Variants in ANKH observed in about 807,000 individuals in gnomAD.
ANKH encodes the protein ANKH inorganic pyrophosphate transport regulator.
Under a neutral mutation model 49.0 loss-of-function variants are expected in ANKH, and 15 were observed. The ratio of observed to expected loss-of-function variants is 0.31; its 90% CI spans 0.20 to 0.47. ANKH has a LOEUF of 0.47. Ranked by LOEUF, ANKH falls within the 20% of genes least tolerant of loss-of-function variation. ANKH has a pLI of 1.00. For missense variants in ANKH, 429 were observed against 652.0 expected (o/e 0.66, Z 3.72); for synonymous variants, 273 against 260.0 (o/e 1.05, Z -0.48).
rs117896022 is a variant in ANKH, at chr5:14,719,766, A to C, written c.1012-2931T>G. 1.4e-3 allele frequency among the ~76,000 whole-genome samples: 209 copies of C among 152,312 alleles called. 4 individuals carry two copies. The East Asian group carries it at 0.038, about 28-fold the overall frequency. The stretch of plus-strand genomic sequence containing the variant: ...TCGGAGTAGGAAAGGGACAGGGTGG[A>C]AGTGAGCAGCACTGAAGAGGTGGGC... On this transcript the variant is annotated intron_variant, in intron 8 of 11. Coordinates refer to ENST00000284268, the MANE Select transcript of ANKH (RefSeq NM_054027.6).
intron 1 of ANKH, among the ~76,000 whole-genome samples, chr5:14,857,877 G>C (rs970906325): frequency 3.3e-5 from 5 of 152,170 alleles, no homozygotes; most frequent in Admixed American, 3.3e-4. Context: ...TCTAAGGAAA[G>C]CTGGAACAAC....
At position 14,745,547 on chromosome 5, in the gene ANKH, C is replaced by T. The variant is rs192686642; in HGVS notation, c.915+323G>A. 2.3e-3 allele frequency among the ~76,000 whole-genome samples: 343 copies of T among 152,318 alleles called. 1 individual carries two copies. Among genetic ancestry groups the T allele is most frequent in the Middle Eastern group, 0.02 (6 of 294 alleles). On this transcript the variant is annotated intron_variant, in intron 7 of 11. Coordinates refer to ENST00000284268, the MANE Select transcript of ANKH (RefSeq NM_054027.6). This position sits in a 1 kb window ranked among gnomAD's most constrained non-coding sequence, Gnocchi z 4.7. ...AGCATTCGTTTAAAGAAACAAACCACAGAAATAAAATCCCATAAATTGATT... is the reference window on the plus strand; with the variant it reads ...AGCATTCGTTTAAAGAAACAAACCATAGAAATAAAATCCCATAAATTGATT...
chr5:14,777,144 G>A (rs1022168759), intron 1 of ANKH, among the ~76,000 whole-genome samples: 9 of 61,814 alleles, frequency 1.5e-4, no homozygotes, highest in African/African-American at 5.1e-4. Flanking sequence ...AGTTAGCCGG[G>A]CGTGGTGGGG....
intron 1 of ANKH, among the ~76,000 whole-genome samples, chr5:14,786,690 G>A (rs1414790187): frequency 2.0e-5 from 3 of 152,156 alleles, no homozygotes; most frequent in Non-Finnish European, 4.4e-5. Context: ...TAGCAAAGAC[G>A]AATAATGGGA....
chr5:14,744,866 C>T (rs1738479959), intron 7 of ANKH, among the ~76,000 whole-genome samples: 1 of 152,226 alleles, frequency 6.6e-6, no homozygotes, highest in South Asian at 2.1e-4. Flanking sequence ...CAGCCTGTGG[C>T]CTAGCCTTGT....
At chr5:14,812,360 G>C (rs943165691) in intron 1 of ANKH, among the ~76,000 whole-genome samples, 2 of 152,086 alleles carry the variant, frequency 1.3e-5, no homozygotes, top group Non-Finnish European at 1.5e-5. Context: ...CGCACTGGCT[G>C]CCTCCTTCAC....
At chr5:14,717,142 G>A (rs1737498672) in intron 8 of ANKH, 2 of 388,898 alleles carry the variant, frequency 5.1e-6, no homozygotes, top group East Asian at 5.9e-5. Flanking sequence ...TGTGCTTTGG[G>A]GCAAGGGTTA....
rs35821509 is a variant in ANKH, at chr5:14,721,929, C to CAAAA, written c.1012-5098_1012-5095dup. Among the ~76,000 whole-genome samples, 39 of 59,392 alleles carry CAAAA rather than the reference C, an allele frequency of 6.6e-4. 2 individuals are homozygous for CAAAA. The highest frequency in any genetic ancestry group is 1.6e-3 in the African/African-American group (17 of 10,548). The allele number at this position is 59,392 out of a possible 152,430, so 39.0% of individuals were successfully genotyped here. On this transcript the variant is annotated intron_variant, in intron 8 of 11. Transcript: ENST00000284268. Reference sequence around the variant, plus strand: ...TGGGCGACAGAGCGAGACTCCGTCTCAAAAAAAAAAAAAAAAAAAAAAAAA... The same window carrying CAAAA: ...TGGGCGACAGAGCGAGACTCCGTCTCAAAAAAAAAAAAAAAAAAAAAAAAAAAAA...
intron 1 of ANKH, among the ~76,000 whole-genome samples, chr5:14,824,049 G>A (rs1741271128): frequency 6.6e-6 from 1 of 152,106 alleles, no homozygotes; most frequent in Non-Finnish European, 1.5e-5. Context: ...CCAAGAGTCT[G>A]CAGAGCCCTC....
At chr5:14,809,628 C>T (rs1186727977) in intron 1 of ANKH, among the ~76,000 whole-genome samples, 1 of 152,190 alleles carries the variant, frequency 6.6e-6, no homozygotes, top group Non-Finnish European at 1.5e-5. Context: ...TTCTTCTTGA[C>T]ATAAACTGTT....
intron 1 of ANKH, among the ~76,000 whole-genome samples, chr5:14,785,744 A>G (rs1034330265): frequency 6.6e-6 from 1 of 152,212 alleles, no homozygotes; most frequent in African/African-American, 2.4e-5. Flanking sequence ...TCCTTAGTAT[A>G]TGTTTATTAT....
In ANKH at chr5:14,711,265, CAG is replaced by C. The variant is rs1415659025; in HGVS notation, c.1409_1410del (p.Ser470CysfsTer22). On this transcript the variant is annotated frameshift_variant, in exon 12 of 12. Transcript: ENST00000284268. LOFTEE classifies it high-confidence loss of function. The part of the protein sequence containing the change: ...ENESATEGED[S>X]AMTDMPPTEE... Reference sequence around the variant, plus strand: ...TCTGTCGGAGGCATGTCTGTCATGGCAGAGTCTTCCCCCTCCGTGGCCGACTC... The same window carrying C: ...TCTGTCGGAGGCATGTCTGTCATGGCAGTCTTCCCCCTCCGTGGCCGACTC... 9 of 1,614,162 alleles carry C rather than the reference CAG, an allele frequency of 5.6e-6. No homozygotes were observed. The highest frequency in any genetic ancestry group is 1.7e-5 in the Admixed American group (1 of 60,030).
chr5:14,797,785 C>T (rs1740435806), intron 1 of ANKH: 1 of 1,611,216 alleles, frequency 6.2e-7, no homozygotes, highest in African/African-American at 1.3e-5. Flanking sequence ...GCACTGATGT[C>T]CCACAGGCAG....
At chr5:14,830,537 GTC>G (rs1741476402) in intron 1 of ANKH, among the ~76,000 whole-genome samples, 2 of 151,360 alleles carry the variant, frequency 1.3e-5, no homozygotes, top group Admixed American at 1.3e-4. Context: ...GTGTGTGTGT[GTC>G]TGTGTGTGTG....
chr5:14,842,020 G>A (rs189785777), intron 1 of ANKH, among the ~76,000 whole-genome samples: 5 of 152,198 alleles, frequency 3.3e-5, no homozygotes, highest in Admixed American at 6.5e-5. Context: ...TTTACAAAGG[G>A]ATAATAAACC....
Position 14,858,821 on chromosome 5 carries a change from A to C in ANKH, c.96+12531T>G, listed in dbSNP as rs1171813258. On this transcript the variant is annotated intron_variant, in intron 1 of 11. Coordinates refer to ENST00000284268, the MANE Select transcript of ANKH (RefSeq NM_054027.6). ...AAGATTATGCACTAAAATAAGATAC[A>C]GATTTCTAGGTGGTGGGCTTGCATA... 5.3e-5 allele frequency among the ~76,000 whole-genome samples: 8 copies of C among 151,668 alleles called. No homozygotes were observed. In the East Asian group the frequency reaches 1.3e-3, roughly 26 times the overall value.
At chr5:14,762,386 C>G (rs1739115825) in intron 2 of ANKH, among the ~76,000 whole-genome samples, 1 of 152,186 alleles carries the variant, frequency 6.6e-6, no homozygotes. Context: ...CCAACTCTTG[C>G]CTCCTTCAGC....
intron 8 of ANKH, among the ~76,000 whole-genome samples, chr5:14,723,655 A>G (rs1737737896): frequency 6.6e-6 from 1 of 152,344 alleles, no homozygotes; most frequent in East Asian, 1.9e-4. Flanking sequence ...GGAGAAAAAA[A>G]GAAGGAAGAA....
rs1248266493 is a variant in ANKH at position 14,725,003 on chromosome 5, C to T, written c.1012-8168G>A. ...ATGCAGCTGTTTTGAATAAAAATCG[C>T]TGGCCCTGGACATCATTTTTATTTG... On this transcript the variant is annotated intron_variant, in intron 8 of 11. Coordinates refer to ENST00000284268, the MANE Select transcript of ANKH (RefSeq NM_054027.6). The surrounding 1 kb of genome is among the most constrained non-coding windows in gnomAD (Gnocchi z 4.0). 6.6e-6 allele frequency among the ~76,000 whole-genome samples: 1 copy of T among 152,210 alleles called. No homozygotes were observed. The highest frequency in any genetic ancestry group is 1.5e-5 in the Non-Finnish European group (1 of 68,038).
Sources: allele counts gnomAD v4.1 joint callset (sites outside exome capture counted in the v4.1 genomes callset), GRCh38; gene constraint gnomAD v4.1.1; non-coding constraint Gnocchi (gnomAD v3.1); transcripts MANE v1.5; gene names NCBI Gene and HGNC (gene_info 2026-07-23, HGNC 2026-07-21).